The following DAPK2 variants were observed in gnomAD, a reference collection of about 807,000 sequenced individuals.
DAPK2 encodes the protein death associated protein kinase 2.
A neutral mutation model predicts 44.1 loss-of-function variants in DAPK2; 35 were observed. The observed-to-expected ratio is 0.79, with a 90% confidence interval of 0.61 to 1.05. The LOEUF is 1.05. Among genes scored for constraint, DAPK2 ranks in the 50% least tolerant of loss-of-function variants. DAPK2 has a pLI of 0.00. For synonymous variants in DAPK2, 174 were observed against 182.6 expected (o/e 0.95, Z 0.38); for missense variants, 453 against 483.2 (o/e 0.94, Z 0.59).
Position 64,013,156 on chromosome 15 carries a change from C to T in DAPK2, c.92+27014G>A, listed in dbSNP as rs1011809212. 6.6e-6 allele frequency among the ~76,000 whole-genome samples: 1 copy of T among 152,234 alleles called. No homozygotes were observed. Among genetic ancestry groups the T allele is most frequent in the South Asian group, 2.1e-4 (1 of 4,834 alleles). ...CAACCAAATCATTAAAGAGCCGACT[C>T]ATTTCACGGTGCATGTGCACAAAGC... On this transcript the variant is annotated intron_variant, in intron 1 of 10. Transcript: ENST00000261891. The surrounding 1 kb of genome is among the most constrained non-coding windows in gnomAD (Gnocchi z 4.7).
At chr15:63,931,978 A>G (rs2076966549) in intron 4 of DAPK2, among the ~76,000 whole-genome samples, 1 of 151,922 alleles carries the variant, frequency 6.6e-6, no homozygotes, top group South Asian at 2.1e-4. Flanking sequence ...CAGCTTGGCC[A>G]ACATAGCGAA....
At chr15:64,012,388 C>T (rs1419282808) in intron 1 of DAPK2, among the ~76,000 whole-genome samples, 1 of 152,228 alleles carries the variant, frequency 6.6e-6, no homozygotes, top group Non-Finnish European at 1.5e-5. Context: ...AAGGGTGACA[C>T]AAGAGTTTGT....
rs1187993571 is a variant in DAPK2, at chr15:63,966,946, CGAG to C, written c.453+4474_453+4476del. On this transcript the variant is annotated intron_variant, in intron 3 of 10. Transcript: ENST00000261891. The surrounding 1 kb of genome is among the most constrained non-coding windows in gnomAD (Gnocchi z 5.5). ...CTGTAATCCCAGCACTTTGGGAGGC[CGAG>C]GTGGGCGGATCACGAGTCAGGAGAT... Among the ~76,000 whole-genome samples the C allele has an allele frequency of 6.6e-6, 1 of 152,022 alleles. No individual in the cohort carries two copies. Among genetic ancestry groups the C allele is most frequent in the Non-Finnish European group, 1.5e-5 (1 of 67,992 alleles).
intron 1 of DAPK2, among the ~76,000 whole-genome samples, chr15:63,987,215 T>C (rs1209197868): frequency 6.6e-6 from 1 of 152,110 alleles, no homozygotes; most frequent in Admixed American, 6.5e-5. Flanking sequence ...AGTATGCCCA[T>C]CAGAGGGCCC....
Position 63,923,319 on chromosome 15 carries a change from C to T in DAPK2, c.858+1497G>A, listed in dbSNP as rs1353208100. ...TGGGTGGGCTCTGTCTTCCGCTGTT[C>T]AGGGGCTCTGCCTTCTCCTTTTGAC... On this transcript the variant is annotated intron_variant, in intron 8 of 10. Transcript: ENST00000261891. This position sits in a 1 kb window ranked among gnomAD's most constrained non-coding sequence, Gnocchi z 4.2. 5.2e-6 allele frequency: 8 copies of T among 1,535,690 alleles called. No individual in the cohort carries two copies. The highest frequency in any genetic ancestry group is 6.1e-6 in the Non-Finnish European group (7 of 1,146,590).
At chr15:63,919,099 A>C (rs1443995778) in intron 8 of DAPK2, 2 of 152,210 alleles carry the variant, frequency 1.3e-5, no homozygotes, top group African/African-American at 4.8e-5. Context: ...ATCAGGTTCC[A>C]ATGCCATGGA....
chr15:64,001,231 G>A (rs1361889658), intron 1 of DAPK2, among the ~76,000 whole-genome samples: 1 of 149,436 alleles, frequency 6.7e-6, no homozygotes, highest in Non-Finnish European at 1.5e-5. Context: ...AAAAAATCTA[G>A]TCTGCACTGG....
chr15:63,982,411 A>T (rs565474095), intron 2 of DAPK2, among the ~76,000 whole-genome samples: 3 of 152,016 alleles, frequency 2.0e-5, no homozygotes, highest in Non-Finnish European at 4.4e-5. Flanking sequence ...GGCTGGTCTC[A>T]AACTCCGACC....
intron 1 of DAPK2, among the ~76,000 whole-genome samples, chr15:64,022,587 C>G (rs894862510): frequency 6.6e-6 from 1 of 152,082 alleles, no homozygotes; most frequent in Non-Finnish European, 1.5e-5. Context: ...GAGACTGAGG[C>G]GGGTGAACAC....
chr15:63,916,205 G>A lies in DAPK2; in HGVS notation c.859-4008C>T, dbSNP rs2078921710. The A allele has an allele frequency of 6.6e-6, 1 of 152,170 alleles. No homozygotes were observed. Among genetic ancestry groups the A allele is most frequent in the Non-Finnish European group, 1.5e-5 (1 of 68,068 alleles). 9.4% of individuals were successfully genotyped at this position (152,170 alleles called of 1,614,324 possible). On this transcript the variant is annotated intron_variant, in intron 8 of 10. Coordinates refer to ENST00000261891, the Ensembl canonical transcript of DAPK2. The surrounding 1 kb of genome is among the most constrained non-coding windows in gnomAD (Gnocchi z 4.7). ...TGCCTTTGAAAAAGTCCAGTGGGGT[G>A]TGCCAGGTCAGTACCAACATCCACA...
chr15:63,929,857 C>T (rs1475582406), intron 5 of DAPK2: 6 of 600,418 alleles, frequency 1.0e-5, no homozygotes, highest in African/African-American at 9.1e-5. Context: ...CTTACCACCT[C>T]GGAGCCCTTC....
intron 1 of DAPK2, among the ~76,000 whole-genome samples, chr15:64,036,340 T>TATATAC (rs1555484604): frequency 0.013 from 1,521 of 119,686 alleles, 60 homozygotes; most frequent in African/African-American, 0.043. Flanking sequence ...TATATATACA[T>TATATAC]ATATATATAT....
At chr15:63,943,745 A>C (rs1169854980) in intron 3 of DAPK2, among the ~76,000 whole-genome samples, 1 of 152,122 alleles carries the variant, frequency 6.6e-6, no homozygotes, top group Non-Finnish European at 1.5e-5. Flanking sequence ...GCGTGGTGGC[A>C]CACGCCTGTA....
intron 10 of DAPK2, chr15:63,909,837 C>A (rs1257362342): frequency 2.0e-5 from 3 of 152,048 alleles, no homozygotes; most frequent in Non-Finnish European, 4.4e-5. Flanking sequence ...CTCAATTACT[C>A]TGGTCTTCTC....
intron 3 of DAPK2, 74 bp downstream of exon 4, chr15:63,971,349 C>T: frequency 6.4e-7 from 1 of 1,570,188 alleles, no homozygotes. Context: ...TGGGCCCATC[C>T]TGGGAAAGAC....
chr15:63,915,784 G>T (rs1308183496), intron 8 of DAPK2, among the ~76,000 whole-genome samples: 1 of 152,178 alleles, frequency 6.6e-6, no homozygotes, highest in African/African-American at 2.4e-5. Flanking sequence ...ATTCTGTCAG[G>T]CTGGCCTTTC....
At chr15:63,929,229 A>G (rs901324468) in intron 6 of DAPK2, among the ~76,000 whole-genome samples, 2 of 151,590 alleles carry the variant, frequency 1.3e-5, no homozygotes, top group Non-Finnish European at 2.9e-5. Flanking sequence ...TCTGAGTGAA[A>G]AGTGACATTC....
In DAPK2 at chr15:63,908,641, C is replaced by T. The variant is rs774087574; in HGVS notation, c.1033-41G>A. The T allele has an allele frequency of 4.6e-6, 7 of 1,521,518 alleles. No homozygotes were observed. Among genetic ancestry groups the T allele is most frequent in the Non-Finnish European group, 6.2e-6 (7 of 1,133,862 alleles). 94.3% of individuals were successfully genotyped at this position (1,521,518 alleles called of 1,614,324 possible). On this transcript the variant is annotated intron_variant, in intron 10 of 10. Transcript: ENST00000261891. The surrounding 1 kb of genome is among the most constrained non-coding windows in gnomAD (Gnocchi z 5.7). ...AGAAAGAGGTCCAGGGCAGGAGGAT[C>T]ATGAGACGCCAGGAATGGGGCTGTG...
chr15:63,913,398 C>G (rs534577933), intron 8 of DAPK2, among the ~76,000 whole-genome samples: 2 of 152,282 alleles, frequency 1.3e-5, no homozygotes, highest in South Asian at 4.1e-4. Flanking sequence ...TATGTACAGA[C>G]ATGCATTTCT....
Sources: gnomAD v4.1 joint callset for allele counts (sites outside exome capture counted in the v4.1 genomes callset) on GRCh38, gnomAD v4.1.1 for gene constraint, Gnocchi (gnomAD v3.1) non-coding constraint, MANE v1.5 for transcripts, NCBI Gene and HGNC (gene_info 2026-07-23, HGNC 2026-07-21) for gene names.